TRDN: variants seen among roughly 807,000 people sequenced by gnomAD.
TRDN encodes the protein triadin, also known as triadin in skeletal muscle.
Under a neutral mutation model 149.7 loss-of-function variants are expected in TRDN, and 161 were observed. The ratio of observed to expected loss-of-function variants is 1.08; its 90% CI spans 0.95 to 1.23. TRDN has a LOEUF of 1.23. Among genes scored for constraint, TRDN ranks in the 50% most tolerant of loss-of-function variants. TRDN has a pLI of 0.00. For missense variants in TRDN, 896 were observed against 823.5 expected (o/e 1.09, Z -1.08); for synonymous variants, 294 against 250.5 (o/e 1.17, Z -1.64).
At chr6:123,483,945 AC>A (rs1230036790) in intron 9 of TRDN, among the ~76,000 whole-genome samples, 1 of 152,206 alleles carries the variant, frequency 6.6e-6, no homozygotes, top group Non-Finnish European at 1.5e-5. Flanking sequence ...AATGTATGAT[AC>A]TTTAGAAACC....
chr6:123,613,397 A>T (rs1319491271), intron 1 of TRDN, among the ~76,000 whole-genome samples: 3 of 152,236 alleles, frequency 2.0e-5, no homozygotes, highest in Admixed American at 2.0e-4. Flanking sequence ...GGAATTAAAA[A>T]TTTATCACTC....
chr6:123,300,192 G>A (rs76495363), intron 24 of TRDN, among the ~76,000 whole-genome samples: 3,495 of 151,986 alleles, frequency 0.023, 145 homozygotes, highest in African/African-American at 0.08. Flanking sequence ...AGTTTGGGTT[G>A]AAATTGGGAA....
chr6:123,379,107 G>T (rs1376471829), intron 16 of TRDN, among the ~76,000 whole-genome samples: 1 of 152,136 alleles, frequency 6.6e-6, no homozygotes, highest in East Asian at 1.9e-4. Context: ...AGAATGGAAA[G>T]ATTCTTAAAG....
At chr6:123,282,094 T>C (rs1424381949) in intron 24 of TRDN, among the ~76,000 whole-genome samples, 2 of 151,832 alleles carry the variant, frequency 1.3e-5, no homozygotes, top group East Asian at 1.9e-4. Flanking sequence ...GGGAATGTAA[T>C]ATGAAGACAC....
intron 1 of TRDN, among the ~76,000 whole-genome samples, chr6:123,613,294 C>T (rs1290012186): frequency 6.6e-6 from 1 of 152,106 alleles, no homozygotes; most frequent in Non-Finnish European, 1.5e-5. Flanking sequence ...TTTCCAATTT[C>T]AATTAAAATA....
intron 2 of TRDN, among the ~76,000 whole-genome samples, chr6:123,557,586 C>T (rs965938386): frequency 2.0e-5 from 3 of 152,104 alleles, no homozygotes; most frequent in African/African-American, 4.8e-5. Flanking sequence ...ACTCCGGAGC[C>T]GGTCACGGAC....
chr6:123,363,225 A>G (rs1285294788), intron 20 of TRDN, among the ~76,000 whole-genome samples: 1 of 152,196 alleles, frequency 6.6e-6, no homozygotes, highest in Non-Finnish European at 1.5e-5. Flanking sequence ...CTCACATGTG[A>G]AAGGCTAGAG....
At chr6:123,237,840 G>GTC (rs1562224131) in intron 38 of TRDN, among the ~76,000 whole-genome samples, 1 of 152,104 alleles carries the variant, frequency 6.6e-6, no homozygotes, top group African/African-American at 2.4e-5. Flanking sequence ...ACAAACTATA[G>GTC]TAACACTGCA....
At chr6:123,558,707 C>A (rs186569945) in intron 2 of TRDN, among the ~76,000 whole-genome samples, 1 of 152,250 alleles carries the variant, frequency 6.6e-6, no homozygotes, top group African/African-American at 2.4e-5. Context: ...GCCCTCAAAC[C>A]CCACAACAGG....
At chr6:123,440,483 G>C (rs1394842761) in intron 10 of TRDN, among the ~76,000 whole-genome samples, 1 of 152,204 alleles carries the variant, frequency 6.6e-6, no homozygotes, top group Non-Finnish European at 1.5e-5. Flanking sequence ...ATTTTATGTA[G>C]TAGTGAATTT....
chr6:123,515,581 A>G (rs1779373933), intron 6 of TRDN, among the ~76,000 whole-genome samples: 1 of 151,724 alleles, frequency 6.6e-6, no homozygotes, highest in African/African-American at 2.4e-5. Context: ...GATTATCTGG[A>G]AAACATACAA....
At chr6:123,320,207 T>A (rs901067877) in intron 23 of TRDN, among the ~76,000 whole-genome samples, 32 of 142,910 alleles carry the variant, frequency 2.2e-4, no homozygotes, top group Non-Finnish European at 4.1e-4. Flanking sequence ...TAAAATAAAA[T>A]AATAATCATT....
chr6:123,312,362 T>C (rs557184482), intron 24 of TRDN, among the ~76,000 whole-genome samples: 17 of 151,950 alleles, frequency 1.1e-4, no homozygotes, highest in Non-Finnish European at 2.4e-4. Context: ...CTCCTCAGCC[T>C]ACTCAACATG....
At chr6:123,302,069 C>G (rs1778449952) in intron 24 of TRDN, among the ~76,000 whole-genome samples, 1 of 150,480 alleles carries the variant, frequency 6.6e-6, no homozygotes, top group Non-Finnish European at 1.5e-5. Flanking sequence ...ATGTATAATT[C>G]TACATATTAT....
At chr6:123,322,182 C>T (rs1213705994) in intron 23 of TRDN, among the ~76,000 whole-genome samples, 1 of 152,146 alleles carries the variant, frequency 6.6e-6, no homozygotes, top group South Asian at 2.1e-4. Context: ...CTGAGGAATC[C>T]TTCCATGCAT....
chr6:123,256,224 C>A (rs371171025), intron 35 of TRDN, among the ~76,000 whole-genome samples: 2 of 152,018 alleles, frequency 1.3e-5, no homozygotes, highest in Non-Finnish European at 2.9e-5. Flanking sequence ...TTTGCTGAGA[C>A]GATGGTTTCC....
At chr6:123,450,257 C>T (rs776062910) in intron 10 of TRDN, among the ~76,000 whole-genome samples, 44 of 152,172 alleles carry the variant, frequency 2.9e-4, no homozygotes, top group African/African-American at 1.0e-3. Flanking sequence ...TGAATGTAAA[C>T]GGCCTAAATG....
intron 8 of TRDN, among the ~76,000 whole-genome samples, chr6:123,501,087 T>C (rs1207037989): frequency 1.3e-5 from 2 of 152,040 alleles, no homozygotes; most frequent in Admixed American, 1.3e-4. Context: ...TGTGTGTGTG[T>C]GTGTTTATGG....
intron 23 of TRDN, among the ~76,000 whole-genome samples, chr6:123,326,869 T>C (rs535128226): frequency 6.6e-6 from 1 of 152,124 alleles, no homozygotes; most frequent in Non-Finnish European, 1.5e-5. Flanking sequence ...CTGCAGATTT[T>C]TAAAATATCA....
Sources: gnomAD v4.1 joint callset for allele counts (sites outside exome capture counted in the v4.1 genomes callset) on GRCh38, gnomAD v4.1.1 for gene constraint, MANE v1.5 for transcripts, NCBI Gene and HGNC (gene_info 2026-07-23, HGNC 2026-07-21) for gene names.